The following TULP3 variants were observed in gnomAD, a reference collection of about 807,000 sequenced individuals.
The protein encoded by TULP3 is tubby-related protein 3.
TULP3 carries 38 observed loss-of-function variants against 50.7 expected under a neutral mutation model. That is an observed-to-expected ratio of 0.75 (90% CI 0.58 to 0.98). TULP3 has a LOEUF of 0.98. Among genes scored for constraint, TULP3 ranks in the 50% least tolerant of loss-of-function variants. The pLI is 0.00. For missense variants in TULP3, 550 were observed against 568.0 expected (o/e 0.97, Z 0.32); for synonymous variants, 183 against 196.6 (o/e 0.93, Z 0.58).
At chr12:2,916,637 C>T (rs2098188844) in intron 2 of TULP3, among the ~76,000 whole-genome samples, 1 of 152,090 alleles carries the variant, frequency 6.6e-6, no homozygotes, top group Admixed American at 6.6e-5. Flanking sequence ...ATTGATGTAG[C>T]CTCGTTTAAA....
intron 3 of TULP3, 48 bp from the exon 4 acceptor site, chr12:2,922,213 GA>G (rs1384508278): frequency 6.3e-7 from 1 of 1,592,924 alleles, no homozygotes; most frequent in African/African-American, 1.4e-5. Context: ...CCCAACTAGT[GA>G]ATAATACTTT....
chr12:2,893,008 A>G (rs1469077523), intron 1 of TULP3, among the ~76,000 whole-genome samples: 3 of 152,034 alleles, frequency 2.0e-5, no homozygotes, highest in Non-Finnish European at 2.9e-5. Flanking sequence ...CTGGGACCAC[A>G]GGTGCGTGGC....
chr12:2,894,951 G>C (rs1045747082), intron 1 of TULP3, among the ~76,000 whole-genome samples: 2 of 152,024 alleles, frequency 1.3e-5, no homozygotes, highest in African/African-American at 2.4e-5. Flanking sequence ...TAACATTCCC[G>C]AAGAGAGAAA....
chr12:2,918,946 G>A (rs1018189729), intron 2 of TULP3, among the ~76,000 whole-genome samples: 2 of 151,628 alleles, frequency 1.3e-5, no homozygotes, highest in African/African-American at 2.4e-5. Context: ...AGGCTGGAGT[G>A]TAGTGGCATG....
intron 4 of TULP3, among the ~76,000 whole-genome samples, chr12:2,929,451 A>G (rs192479976): frequency 1.1e-3 from 163 of 152,330 alleles, no homozygotes; most frequent in South Asian, 8.7e-3. Flanking sequence ...ACAGACACAC[A>G]GGTACCATCG....
chr12:2,906,402 C>T (rs981379540), intron 1 of TULP3, among the ~76,000 whole-genome samples: 1 of 151,342 alleles, frequency 6.6e-6, no homozygotes, highest in Non-Finnish European at 1.5e-5. Context: ...AATCTTGGCT[C>T]ACTGAATCCT....
intron 1 of TULP3, 61 bp from the exon 2 acceptor site, chr12:2,909,468 G>T (rs966556647): frequency 6.7e-7 from 1 of 1,494,428 alleles, no homozygotes; most frequent in African/African-American, 1.4e-5. Flanking sequence ...TACATAAAAA[G>T]ATGAAATTGA....
In TULP3 at chr12:2,930,348, A is replaced by G. The variant is rs1211148943; in HGVS notation, c.492+3A>G. On this transcript the variant is annotated splice_donor_region_variant and intron_variant, in intron 5 of 10. Coordinates refer to ENST00000448120, the MANE Select transcript of TULP3 (RefSeq NM_003324.5). ...CTGCATCAAGCCAGAATTCAACCGT[A>G]TGTAGTTCTGAAACTTCTTCCATTA... 1.2e-6 allele frequency: 2 copies of G among 1,602,348 alleles called. No homozygotes were observed. Among genetic ancestry groups the G allele is most frequent in the Non-Finnish European group, 1.7e-6 (2 of 1,172,164 alleles).
Position 2,922,493 on chromosome 12 carries a change from A to G in TULP3, c.394+91A>G, listed in dbSNP as rs952993601. 11 of 1,489,276 alleles carry G rather than the reference A, an allele frequency of 7.4e-6. No homozygotes were observed. In the African/African-American group the frequency reaches 1.5e-4, roughly 21 times the overall value. The allele number at this position is 1,489,276 out of a possible 1,614,324, so 92.3% of individuals were successfully genotyped here. ...TTCATTGTGGGTAACAATCTACATG[A>G]CTGAAAATGACTCATGGCTTAGGGC... On this transcript the variant is annotated intron_variant, in intron 4 of 10. Transcript: ENST00000448120.
At chr12:2,932,810 C>T (rs2098198887) in intron 6 of TULP3, among the ~76,000 whole-genome samples, 1 of 151,852 alleles carries the variant, frequency 6.6e-6, no homozygotes, top group African/African-American at 2.4e-5. Context: ...GCCACCTGGC[C>T]CAGCTTTGGA....
At chr12:2,915,946 C>T (rs2098188398) in intron 2 of TULP3, among the ~76,000 whole-genome samples, 1 of 152,108 alleles carries the variant, frequency 6.6e-6, no homozygotes, top group African/African-American at 2.4e-5. Flanking sequence ...GTAACCTTAG[C>T]CCATCACCTC....
chr12:2,933,607 G>T, intron 7 of TULP3, 77 bp downstream of exon 7: 1 of 845,792 alleles, frequency 1.2e-6, no homozygotes, highest in South Asian at 1.6e-5. Flanking sequence ...TCCTTATCTT[G>T]GTTACAACTA....
In TULP3 at chr12:2,939,247, G is replaced by GA; in HGVS notation, c.1196-59dup. 1 of 1,566,474 alleles carries GA rather than the reference G, an allele frequency of 6.4e-7. No individual in the cohort carries two copies. Among genetic ancestry groups the GA allele is most frequent in the Non-Finnish European group, 8.7e-7 (1 of 1,147,272 alleles). ...CCCCATCTAAGAAAAGGAAGAAAAA[G>GA]AAAAAGATTTCCCTGAGTGCAACCA... On this transcript the variant is annotated intron_variant, in intron 10 of 10. Coordinates refer to ENST00000448120, the MANE Select transcript of TULP3 (RefSeq NM_003324.5). This position sits in a 1 kb window ranked among gnomAD's most constrained non-coding sequence, Gnocchi z 4.0.
chr12:2,908,810 C>A (rs1329448266), intron 1 of TULP3, among the ~76,000 whole-genome samples: 1 of 151,926 alleles, frequency 6.6e-6, no homozygotes, highest in African/African-American at 2.4e-5. Context: ...CTTCTTCAAG[C>A]AAATCTGTCT....
rs186942346 is a variant in TULP3, at chr12:2,897,848, G to A, written c.41+6860G>A. On this transcript the variant is annotated intron_variant, in intron 1 of 10. Coordinates refer to ENST00000448120, the MANE Select transcript of TULP3 (RefSeq NM_003324.5). ...AATCCCAGCACTTTGGGAGGGCAAG[G>A]CAGGCAGATCACCTGAGGTTAGGAG... is the stretch of plus-strand genomic sequence containing the variant. Among the ~76,000 whole-genome samples the A allele has an allele frequency of 7.9e-5, 12 of 151,772 alleles. No individual in the cohort carries two copies. In the East Asian group the frequency reaches 2.3e-3, roughly 30 times the overall value.
intron 2 of TULP3, among the ~76,000 whole-genome samples, chr12:2,912,573 T>C (rs2098186269): frequency 6.6e-6 from 1 of 152,210 alleles, no homozygotes; most frequent in African/African-American, 2.4e-5. Context: ...TCACTGGTCA[T>C]GAGCTCTGTA....
At chr12:2,891,077 A>G in intron 1 of TULP3, 89 bp downstream of exon 1, 1 of 1,395,472 alleles carries the variant, frequency 7.2e-7, no homozygotes, top group African/African-American at 1.5e-5. Flanking sequence ...CCCTGCGGGG[A>G]GAGGGCGGGA....
chr12:2,930,473 G>C, intron 5 of TULP3, 128 bp downstream of exon 5: 1 of 594,776 alleles, frequency 1.7e-6, no homozygotes, highest in Non-Finnish European at 2.7e-6. Context: ...ACCCAGGCTG[G>C]AGTGCAGTGG....
rs2098197168 is a variant in TULP3 at position 2,930,273 on chromosome 12, T to C, written c.420T>C (p.Asp140=). 1 of 1,612,758 alleles carries C rather than the reference T, an allele frequency of 6.2e-7. No individual in the cohort carries two copies. Among genetic ancestry groups the C allele is most frequent in the Non-Finnish European group, 8.5e-7 (1 of 1,179,318 alleles). The part of the protein sequence containing the change: ...KHDISESVNF[D]EETDGISQSA... ...ATATCTCTGAAAGTGTGAACTTCGATGAGGAGACTGATGGAATATCCCAGT... is the reference window on the plus strand; with the variant it reads ...ATATCTCTGAAAGTGTGAACTTCGACGAGGAGACTGATGGAATATCCCAGT... The change falls in exon 5 of 11, where the codon GAT becomes GAC. Residue 140 remains aspartate (D), a synonymous_variant. Transcript: ENST00000448120.
Sources: gnomAD v4.1 joint callset for allele counts (sites outside exome capture counted in the v4.1 genomes callset) on GRCh38, gnomAD v4.1.1 for gene constraint, Gnocchi (gnomAD v3.1) non-coding constraint, MANE v1.5 for transcripts, NCBI Gene and HGNC (gene_info 2026-07-23, HGNC 2026-07-21) for gene names.